The following ATAD2 variants were observed in gnomAD, a reference collection of about 807,000 sequenced individuals.
ATAD2 encodes the protein ATPase family AAA domain-containing protein 2.
A neutral mutation model predicts 168.9 loss-of-function variants in ATAD2; 62 were observed. The observed-to-expected ratio is 0.37, with a 90% CI of 0.30 to 0.45. The LOEUF is 0.45. Ranked by LOEUF, ATAD2 falls within the 20% of genes least tolerant of loss-of-function variation. The pLI is 1.00. For synonymous variants in ATAD2, 613 were observed against 571.6 expected, an observed-to-expected ratio of 1.07 and a Z score of -1.03; for missense variants, 1,419 against 1,667.8, an observed-to-expected ratio of 0.85 and a Z score of 2.60.
upstream of ATAD2, chr8:123,396,556 C>T (rs1812846440): frequency 3.4e-6 from 2 of 580,120 alleles, no homozygotes; most frequent in Admixed American, 3.4e-5. Flanking sequence ...AACTCTCCTC[C>T]CATTTGTAGA....
chr8:123,396,540 G>T, upstream of ATAD2: 1 of 604,664 alleles, frequency 1.7e-6, no homozygotes, highest in Non-Finnish European at 2.8e-6. Context: ...AGAACAGCAG[G>T]CTCGAAACTC....
chr8:123,319,934 G>T lies in ATAD2; in HGVS notation c.*1200C>A, dbSNP rs1827423549. On this transcript the variant is annotated 3_prime_UTR_variant, in exon 28 of 28. Coordinates refer to ENST00000287394, the MANE Select transcript of ATAD2 (RefSeq NM_014109.4). ...CTAGTTATAAAAGATGCATCTAGAA[G>T]AATAATTTATAATAAACCAACAAAA... 6.6e-6 allele frequency: 1 copy of T among 152,142 alleles called. No individual in the cohort carries two copies. Among genetic ancestry groups the T allele is most frequent in the South Asian group, 2.1e-4 (1 of 4,826 alleles). The allele number at this position is 152,142 out of a possible 1,614,324, so 9.4% of individuals were successfully genotyped here. A position where few individuals can be genotyped will look rare whatever the true frequency, so the allele number is the denominator to read the frequency against.
At chr8:123,384,079 C>CAA (rs754380577) in intron 1 of ATAD2, among the ~76,000 whole-genome samples, 3 of 73,374 alleles carry the variant, frequency 4.1e-5, no homozygotes, top group Admixed American at 1.6e-4. Context: ...GACTCCGTCT[C>CAA]AAAAAAAAAA....
At chr8:123,350,141 C>T (rs1008703566) in intron 13 of ATAD2, among the ~76,000 whole-genome samples, 2 of 152,134 alleles carry the variant, frequency 1.3e-5, no homozygotes, top group African/African-American at 4.8e-5. Flanking sequence ...ATAGAATATA[C>T]ATAAAGCATA....
Position 123,320,033 on chromosome 8 carries a change from A to G in ATAD2, c.*1101T>C, listed in dbSNP as rs1350015786. 1.3e-5 allele frequency: 2 copies of G among 152,216 alleles called. No homozygotes were observed. Among genetic ancestry groups the G allele is most frequent in the Non-Finnish European group, 2.9e-5 (2 of 68,040 alleles). 9.4% of individuals were successfully genotyped at this position (152,216 alleles called of 1,614,324 possible). A position where few individuals can be genotyped will look rare whatever the true frequency, so the allele number is the denominator to read the frequency against. ...TGACTGGCATTGCTTTATGCATTACATAAGATAGTATGTACTAATTAAGGT... is the reference window on the plus strand; with the variant it reads ...TGACTGGCATTGCTTTATGCATTACGTAAGATAGTATGTACTAATTAAGGT... On this transcript the variant is annotated 3_prime_UTR_variant, in exon 28 of 28. Transcript: ENST00000287394.
At position 123,321,069 on chromosome 8, in the gene ATAD2, G is replaced by A. The variant is rs777176606; in HGVS notation, c.*65C>T. 1.4e-6 allele frequency: 2 copies of A among 1,396,512 alleles called. No homozygotes were observed. Among genetic ancestry groups the A allele is most frequent in the Non-Finnish European group, 1.0e-6 (1 of 997,030 alleles). The allele number at this position is 1,396,512 out of a possible 1,614,324, so 86.5% of individuals were successfully genotyped here. ...CAGGGTTTCATACTACATCAATTAG[G>A]CGGACATGACAAAAATGACTTAAAT... On this transcript the variant is annotated 3_prime_UTR_variant, in exon 28 of 28. Coordinates refer to ENST00000287394, the MANE Select transcript of ATAD2 (RefSeq NM_014109.4).
upstream of ATAD2, chr8:123,396,472 G>A (rs894170704): frequency 8.5e-6 from 10 of 1,176,080 alleles, no homozygotes; most frequent in Non-Finnish European, 1.0e-5. Flanking sequence ...CGCGCCAGCG[G>A]CCGCAGCGCG....
At chr8:123,323,877 G>C (rs1285153301) in intron 26 of ATAD2, among the ~76,000 whole-genome samples, 1 of 152,108 alleles carries the variant, frequency 6.6e-6, no homozygotes, top group Non-Finnish European at 1.5e-5. Flanking sequence ...TGGGTTATAT[G>C]ATCAGAAAAA....
intron 2 of ATAD2, among the ~76,000 whole-genome samples, chr8:123,372,916 G>A (rs971590274): frequency 2.1e-5 from 3 of 144,166 alleles, no homozygotes; most frequent in African/African-American, 7.8e-5. Context: ...TTTTTGAGAC[G>A]GAGTCTTGCT....
intron 5 of ATAD2, 91 bp from the exon 6 acceptor site, chr8:123,371,081 T>TA: frequency 8.6e-7 from 1 of 1,164,654 alleles, no homozygotes; most frequent in Non-Finnish European, 1.2e-6. Flanking sequence ...AAAATTAAGA[T>TA]ATTTACAGCC....
At chr8:123,359,545 T>C in intron 10 of ATAD2, 32 bp downstream of exon 10, 1 of 1,542,368 alleles carries the variant, frequency 6.5e-7, no homozygotes, top group Non-Finnish European at 8.9e-7. Flanking sequence ...CACATTATAG[T>C]TCAAGCATAT....
intron 1 of ATAD2, among the ~76,000 whole-genome samples, chr8:123,382,552 C>T (rs1028990208): frequency 1.3e-5 from 2 of 152,318 alleles, no homozygotes; most frequent in African/African-American, 4.8e-5. Context: ...TTCATATGTA[C>T]TTTTTCTTAA....
chr8:123,321,781 A>T (rs1827474499), intron 27 of ATAD2, among the ~76,000 whole-genome samples: 1 of 152,050 alleles, frequency 6.6e-6, no homozygotes, highest in Non-Finnish European at 1.5e-5. Context: ...CAAAAAATTT[A>T]AAAATTAGCC....
In ATAD2 at chr8:123,369,912, A is replaced by T. The variant is rs770860583; in HGVS notation, c.840T>A (p.Asp280Glu). The T allele has an allele frequency of 3.1e-5, 49 of 1,584,248 alleles. No homozygotes were observed. The highest frequency in any genetic ancestry group is 6.7e-5 in the East Asian group (3 of 44,586). Reference protein sequence around the residue: ...DDDDDDDDEDDEDEEDGEEEN... With the variant: ...DDDDDDDDEDEEDEEDGEEEN... ...CTTCTTCTCCATCTTCTTCATCTTC[A>T]TCATCTTCATCATCATCATCATCAT... Residue 280 changes from aspartate to glutamate, a missense_variant, in exon 7 of 28, where the codon GAT becomes GAA. Around this residue, in one of 5 missense-constraint regions of ATAD2, gnomAD observed 419 missense variants for 423.5 expected, o/e 0.99. Coordinates refer to ENST00000287394, the MANE Select transcript of ATAD2 (RefSeq NM_014109.4).
chr8:123,410,630 C>T (rs1233448431), intron 1 of ATAD2, among the ~76,000 whole-genome samples: 1 of 152,122 alleles, frequency 6.6e-6, no homozygotes, highest in Admixed American at 6.6e-5. Flanking sequence ...AAAAGTAATT[C>T]CTGGGCAACC....
chr8:123,370,245 GAAGGAAAA>G (rs745745846), intron 6 of ATAD2, among the ~76,000 whole-genome samples: 2 of 151,758 alleles, frequency 1.3e-5, no homozygotes, highest in South Asian at 4.1e-4. Context: ...AAAACACAAG[GAAGGAAAA>G]AAGGAAGTAG....
intron 1 of ATAD2, among the ~76,000 whole-genome samples, chr8:123,382,760 G>C (rs1330064758): frequency 8.5e-5 from 13 of 152,248 alleles, no homozygotes; most frequent in Admixed American, 8.5e-4. Context: ...GTGTAAATTA[G>C]TTCAACCATT....
At chr8:123,391,474 T>C (rs1395896474) in intron 1 of ATAD2, among the ~76,000 whole-genome samples, 1 of 80,640 alleles carries the variant, frequency 1.2e-5, no homozygotes, top group Non-Finnish European at 2.2e-5. Context: ...TCAGAGGTAA[T>C]GAGAAGTTTT....
At chr8:123,398,088 A>T (rs1197516908), upstream of ATAD2, among the ~76,000 whole-genome samples, 2 of 152,142 alleles carry the variant, frequency 1.3e-5, no homozygotes, top group African/African-American at 4.8e-5. Context: ...GGTTTGACTT[A>T]TTCCGACTTT....
Sources: allele counts gnomAD v4.1 joint callset (sites outside exome capture counted in the v4.1 genomes callset), GRCh38; gene constraint gnomAD v4.1.1; regional missense constraint gnomAD v4.1.1; transcripts MANE v1.5; gene names NCBI Gene and HGNC (gene_info 2026-07-23, HGNC 2026-07-21).